RASAL2: variants seen among roughly 807,000 people sequenced by gnomAD.
RASAL2 encodes RAS protein activator like 2.
RASAL2 carries 58 observed loss-of-function variants against 128.9 expected under a neutral mutation model. The observed-to-expected ratio is 0.45, with a 90% CI of 0.36 to 0.56. RASAL2 has a LOEUF of 0.56. Among genes scored for constraint, RASAL2 ranks in the 20% least tolerant of loss-of-function variants. The pLI is 0.00. For missense variants in RASAL2, 1,360 were observed against 1,601.6 expected (o/e 0.85, Z 2.57); for synonymous variants, 561 against 580.8 (o/e 0.97, Z 0.49).
intron 4 of RASAL2, among the ~76,000 whole-genome samples, chr1:178,407,663 C>T (rs937990245): frequency 6.6e-6 from 1 of 152,018 alleles, no homozygotes; most frequent in African/African-American, 2.4e-5. Context: ...TGTCCTTAAT[C>T]CCTTGTGTGG....
chr1:178,160,874 T>C (rs898131716), intron 1 of RASAL2, among the ~76,000 whole-genome samples: 1 of 152,146 alleles, frequency 6.6e-6, no homozygotes, highest in African/African-American at 2.4e-5. Context: ...GGGTGGGACT[T>C]GTATTAAGTA....
At chr1:178,361,967 T>C (rs1420423725) in intron 3 of RASAL2, among the ~76,000 whole-genome samples, 1 of 152,044 alleles carries the variant, frequency 6.6e-6, no homozygotes, top group East Asian at 1.9e-4. Context: ...CAATAGGGTA[T>C]GTGCTTCTGT....
chr1:178,226,553 G>C (rs1354577803), intron 1 of RASAL2, among the ~76,000 whole-genome samples: 1 of 152,124 alleles, frequency 6.6e-6, no homozygotes, highest in African/African-American at 2.4e-5. Flanking sequence ...ACACAGATTT[G>C]TACTACACAA....
intron 1 of RASAL2, among the ~76,000 whole-genome samples, chr1:178,168,720 G>A (rs1661600176): frequency 6.6e-6 from 1 of 152,054 alleles, no homozygotes; most frequent in Non-Finnish European, 1.5e-5. Flanking sequence ...AGCAGTCAGT[G>A]GGACTGTCTG....
At chr1:178,324,185 C>T (rs1668921684) in intron 3 of RASAL2, among the ~76,000 whole-genome samples, 1 of 152,192 alleles carries the variant, frequency 6.6e-6, no homozygotes, top group Non-Finnish European at 1.5e-5. Flanking sequence ...CGCTCTGACT[C>T]ATAAAATCAT....
At chr1:178,252,994 C>T (rs1468814381) in intron 1 of RASAL2, among the ~76,000 whole-genome samples, 1 of 152,188 alleles carries the variant, frequency 6.6e-6, no homozygotes, top group Non-Finnish European at 1.5e-5. Flanking sequence ...GAAATTACCA[C>T]AAAGAGGTAG....
chr1:178,176,652 GAC>G (rs1661904428), intron 1 of RASAL2, among the ~76,000 whole-genome samples: 1 of 147,916 alleles, frequency 6.8e-6, no homozygotes, highest in Non-Finnish European at 1.5e-5. Flanking sequence ...GAGAGAGAGA[GAC>G]AGACAGACAG....
At position 178,411,593 on chromosome 1, in the gene RASAL2, G is replaced by T. The variant is rs560057680; in HGVS notation, c.565-8918G>T. On this transcript the variant is annotated intron_variant, in intron 4 of 17. Transcript: ENST00000367649. ...TAAAAAAATGAGTGGATGGAGAGAC[G>T]ACATGCAGAAATGGCACACTTCAGG... 8.3e-6 allele frequency: 6 copies of T among 721,712 alleles called. No individual in the cohort carries two copies. The African/African-American group carries it at 1.0e-4, about 12-fold the overall frequency. 44.7% of individuals were successfully genotyped at this position (721,712 alleles called of 1,614,324 possible). A position where few individuals can be genotyped will look rare whatever the true frequency, so the allele number is the denominator to read the frequency against.
intron 5 of RASAL2, among the ~76,000 whole-genome samples, chr1:178,429,434 C>T (rs1675741863): frequency 6.6e-6 from 1 of 152,150 alleles, no homozygotes; most frequent in Non-Finnish European, 1.5e-5. Flanking sequence ...CTCACAAAAT[C>T]TTTCCCATTC....
chr1:178,324,582 G>A (rs909993168), intron 3 of RASAL2, among the ~76,000 whole-genome samples: 6 of 152,050 alleles, frequency 3.9e-5, no homozygotes, highest in African/African-American at 1.4e-4. Flanking sequence ...AGAAAGATGG[G>A]AGTGGGCTTG....
intron 1 of RASAL2, among the ~76,000 whole-genome samples, chr1:178,201,027 C>T (rs568892925): frequency 9.9e-5 from 15 of 152,192 alleles, no homozygotes; most frequent in Non-Finnish European, 1.9e-4. Flanking sequence ...TCCCAGCAGG[C>T]TCCTAGAGGT....
At chr1:178,320,467 C>T (rs1408055327) in intron 3 of RASAL2, among the ~76,000 whole-genome samples, 16 of 151,540 alleles carry the variant, frequency 1.1e-4, no homozygotes, top group African/African-American at 3.1e-4. Context: ...TAGGACCCTC[C>T]GAGCCAGGTG....
chr1:178,291,529 TCAGA>T (rs58968085), intron 2 of RASAL2, among the ~76,000 whole-genome samples: 6,043 of 152,256 alleles, frequency 0.04, 373 homozygotes, highest in African/African-American at 0.14. Flanking sequence ...TTTAATGCCC[TCAGA>T]CAGGTGTTTA....
chr1:178,432,785 C>T lies in RASAL2; in HGVS notation c.675-6637C>T, dbSNP rs543347719. Among the ~76,000 whole-genome samples, 9 of 152,228 alleles carry T rather than the reference C, an allele frequency of 5.9e-5. No individual in the cohort carries two copies. In the South Asian group the frequency reaches 1.0e-3, roughly 18 times the overall value. ...TATCTCTCAGTGCCATCTACTTCTT[C>T]CCCATATCTGTTAGTCTAATTCATT... is the stretch of plus-strand genomic sequence containing the variant. On this transcript the variant is annotated intron_variant, in intron 5 of 17. Transcript: ENST00000367649.
intron 3 of RASAL2, among the ~76,000 whole-genome samples, chr1:178,319,626 C>A (rs995889400): frequency 2.7e-5 from 4 of 148,698 alleles, no homozygotes; most frequent in African/African-American, 5.2e-5. Context: ...AGTTCTCGAG[C>A]CTTGGTTTTC....
chr1:178,182,869 G>A (rs141759214), intron 1 of RASAL2, among the ~76,000 whole-genome samples: 78 of 151,984 alleles, frequency 5.1e-4, no homozygotes, highest in African/African-American at 1.7e-3. Flanking sequence ...GGGTAGGTGG[G>A]GGAAATGGTT....
At position 178,287,062 on chromosome 1, in the gene RASAL2, C is replaced by T. The variant is rs1006384278; in HGVS notation, c.330+3371C>T. The stretch of plus-strand genomic sequence containing the variant: ...TTTTATAAAGCCTCTGATGTCCTCT[C>T]TCTCCCCTGAGTTCCATGGTCAGTC... On this transcript the variant is annotated intron_variant, in intron 2 of 17. Transcript: ENST00000367649. Among the ~76,000 whole-genome samples, 84 of 152,188 alleles carry T rather than the reference C, an allele frequency of 5.5e-4. 1 individual carries two copies. The highest frequency in any genetic ancestry group is 1.9e-3 in the African/African-American group (79 of 41,512).
At chr1:178,413,143 A>G (rs1198366750) in intron 4 of RASAL2, among the ~76,000 whole-genome samples, 1 of 151,924 alleles carries the variant, frequency 6.6e-6, no homozygotes, top group Non-Finnish European at 1.5e-5. Context: ...TATGTTTTGT[A>G]GAGATGGGGT....
At chr1:178,293,710 A>G (rs907410663) in intron 2 of RASAL2, among the ~76,000 whole-genome samples, 3 of 152,320 alleles carry the variant, frequency 2.0e-5, no homozygotes, top group Admixed American at 1.3e-4. Flanking sequence ...CTTATTTGTG[A>G]ACTATTTTAA....
Sources: gnomAD v4.1 joint callset for allele counts (sites outside exome capture counted in the v4.1 genomes callset) on GRCh38, gnomAD v4.1.1 for gene constraint, MANE v1.5 for transcripts, NCBI Gene and HGNC (gene_info 2026-07-23, HGNC 2026-07-21) for gene names.